LIMK2: variants seen among roughly 807,000 people sequenced by gnomAD.
The protein encoded by LIMK2 is LIM domain kinase 2.
In LIMK2, 35 loss-of-function variants were observed where a neutral mutation model predicts 75.7. The observed-to-expected ratio is 0.46, with a 90% CI of 0.35 to 0.61. The LOEUF is 0.61. Ranked by LOEUF, LIMK2 falls within the 20% of genes least tolerant of loss-of-function variation. The pLI is 0.00. For synonymous variants in LIMK2, 301 were observed against 319.2 expected, an observed-to-expected ratio of 0.94 and a Z score of 0.61; for missense variants, 623 against 831.0, an observed-to-expected ratio of 0.75 and a Z score of 3.08.
intron 2 of LIMK2, among the ~76,000 whole-genome samples, chr22:31,254,106 C>T (rs1372109076): frequency 6.6e-6 from 1 of 152,220 alleles, no homozygotes; most frequent in Non-Finnish European, 1.5e-5. Context: ...TGACGTTGCT[C>T]TCCAGCCAGG....
At chr22:31,253,222 G>T (rs888691817) in intron 2 of LIMK2, among the ~76,000 whole-genome samples, 1 of 152,236 alleles carries the variant, frequency 6.6e-6, no homozygotes, top group Admixed American at 6.5e-5. Flanking sequence ...TCAGACCTCA[G>T]CTTTACCACC....
Position 31,279,807 on chromosome 22 carries a change from T to C in LIMK2, c.*1366T>C, listed in dbSNP as rs1368540357. 1 of 152,236 alleles carries C rather than the reference T, an allele frequency of 6.6e-6. No individual in the cohort carries two copies. The highest frequency in any genetic ancestry group is 1.5e-5 in the Non-Finnish European group (1 of 68,048). The allele number at this position is 152,236 out of a possible 1,614,324, so 9.4% of individuals were successfully genotyped here. The stretch of plus-strand genomic sequence containing the variant: ...AGTGGTTGCTGTTAATATTATCTTA[T>C]CTATTGGGTGGTATGTGAAATATTG... On this transcript the variant is annotated 3_prime_UTR_variant, in exon 16 of 16. Transcript: ENST00000331728.
chr22:31,241,558 T>G (rs2048624087), intron 2 of LIMK2, among the ~76,000 whole-genome samples: 1 of 152,156 alleles, frequency 6.6e-6, no homozygotes. Flanking sequence ...TTCATTCTCC[T>G]CTGGGAAGGG....
At position 31,280,016 on chromosome 22, in the gene LIMK2, A is replaced by T. The variant is rs2049071068; in HGVS notation, c.*1575A>T. On this transcript the variant is annotated 3_prime_UTR_variant, in exon 16 of 16. Transcript: ENST00000331728. ...CCTGGCTGTCCCCAGCAAGTGTAGG[A>T]GTGGTGGGCCTGAACTGGGCCATTG... 6.6e-6 allele frequency: 1 copy of T among 152,186 alleles called. No individual in the cohort carries two copies. Among genetic ancestry groups the T allele is most frequent in the African/African-American group, 2.4e-5 (1 of 41,368 alleles). The allele number at this position is 152,186 out of a possible 1,614,324, so 9.4% of individuals were successfully genotyped here.
intron 1 of LIMK2, among the ~76,000 whole-genome samples, chr22:31,214,598 C>CTT (rs78804477): frequency 6.9e-6 from 1 of 144,178 alleles, no homozygotes; most frequent in Admixed American, 6.9e-5. Context: ...CCATCCTCTA[C>CTT]TTTTTTTTTT....
In LIMK2 at chr22:31,278,730, G is replaced by A. The variant is rs935443530; in HGVS notation, c.*289G>A. On this transcript the variant is annotated 3_prime_UTR_variant, in exon 16 of 16. Coordinates refer to ENST00000331728, the MANE Select transcript of LIMK2 (RefSeq NM_005569.4). ...TTGGGCCAGGAGGAATCTGTTACTCGAATCCACCCAGGAACTCCCTGGCAG... is the reference window on the plus strand; with the variant it reads ...TTGGGCCAGGAGGAATCTGTTACTCAAATCCACCCAGGAACTCCCTGGCAG... 1.2e-5 allele frequency: 3 copies of A among 253,710 alleles called. 1 individual carries two copies. Among genetic ancestry groups the A allele is most frequent in the Non-Finnish European group, 2.3e-5 (3 of 132,092 alleles). 15.7% of individuals were successfully genotyped at this position (253,710 alleles called of 1,614,324 possible).
intron 2 of LIMK2, among the ~76,000 whole-genome samples, chr22:31,246,779 A>T (rs2048675247): frequency 6.6e-6 from 1 of 151,386 alleles, no homozygotes; most frequent in South Asian, 2.1e-4. Flanking sequence ...AAACAAAAAA[A>T]AAAAACACCC....
Position 31,257,040 on chromosome 22 carries a change from ATTTTTTTTTTTTTTT to A in LIMK2, c.117-1231_117-1217del, listed in dbSNP as rs529919320. 1.3e-3 allele frequency among the ~76,000 whole-genome samples: 99 copies of A among 75,084 alleles called. 2 individuals carry two copies. The East Asian group carries it at 0.021, about 16-fold the overall frequency. 49.3% of individuals were successfully genotyped at this position (75,084 alleles called of 152,430 possible). On this transcript the variant is annotated intron_variant, in intron 2 of 15. Transcript: ENST00000331728. ...TCATTAGGGGAGAAGGGAGCTATAG[ATTTTTTTTTTTTTTT>A]TTTTTTTTTTTTTTTTTTTAGAGAC...
chr22:31,271,912 C>T (rs1569002623), intron 12 of LIMK2, among the ~76,000 whole-genome samples: 1 of 152,134 alleles, frequency 6.6e-6, no homozygotes, highest in Non-Finnish European at 1.5e-5. Flanking sequence ...ACCCCCTGTC[C>T]CACCTCTGAG....
chr22:31,268,283 C>T (rs2048916853), intron 11 of LIMK2, 83 bp downstream of exon 11: 1 of 1,130,858 alleles, frequency 8.8e-7, no homozygotes, highest in South Asian at 1.2e-5. Flanking sequence ...AGGTAGAGAC[C>T]CCTTCCTATG....
At chr22:31,237,000 G>A (rs1039956167) in intron 2 of LIMK2, among the ~76,000 whole-genome samples, 38 of 151,630 alleles carry the variant, frequency 2.5e-4, no homozygotes, top group Non-Finnish European at 5.0e-4. Context: ...GGTGGCTCAC[G>A]CATGTAATCC....
At position 31,267,713 on chromosome 22, in the gene LIMK2, G is replaced by C; in HGVS notation, c.1129-63G>C. ...ACTTGTCAAGCTGATTCCTTGGAGGGAAGAGGTAAGGAAGACAGTGAGAAG... is the reference window on the plus strand; with the variant it reads ...ACTTGTCAAGCTGATTCCTTGGAGGCAAGAGGTAAGGAAGACAGTGAGAAG... On this transcript the variant is annotated intron_variant, in intron 9 of 15. Transcript: ENST00000331728. 2.6e-6 allele frequency: 4 copies of C among 1,525,474 alleles called. No homozygotes were observed. The Admixed American group carries it at 8.4e-5, about 32-fold the overall frequency. 94.5% of individuals were successfully genotyped at this position (1,525,474 alleles called of 1,614,324 possible). A position where few individuals can be genotyped will look rare whatever the true frequency, so the allele number is the denominator to read the frequency against.
rs371346839 is a variant in LIMK2, at chr22:31,217,398, G to GA, written c.16+4987dup. On this transcript the variant is annotated intron_variant, in intron 1 of 15. Coordinates refer to ENST00000331728, the MANE Select transcript of LIMK2 (RefSeq NM_005569.4). ...GGTGACAGAGCGAGACTCCGTCTCA[G>GA]AAAAAAAAAAAAAGACAGGCTTTGG... 5.4e-3 allele frequency among the ~76,000 whole-genome samples: 729 copies of GA among 134,456 alleles called. 2 individuals carry two copies. The highest frequency in any genetic ancestry group is 0.015 in the African/African-American group (560 of 36,254). The allele number at this position is 134,456 out of a possible 152,430, so 88.2% of individuals were successfully genotyped here. A position where few individuals can be genotyped will look rare whatever the true frequency, so the allele number is the denominator to read the frequency against.
rs2049056537 is a variant in LIMK2 at position 31,278,662 on chromosome 22, A to G, written c.*221A>G. ...GGCCTAGTTACTGTCTGTAAATCCA[A>G]TACTTGCCTGAAAGCTGTGAAGAAG... On this transcript the variant is annotated 3_prime_UTR_variant, in exon 16 of 16. Transcript: ENST00000331728. The G allele has an allele frequency of 2.9e-5, 12 of 411,534 alleles. 1 individual carries two copies. The South Asian group carries it at 8.2e-4, about 28-fold the overall frequency. The allele number at this position is 411,534 out of a possible 1,614,324, so 25.5% of individuals were successfully genotyped here.
intron 1 of LIMK2, among the ~76,000 whole-genome samples, chr22:31,217,560 C>T (rs1314696188): frequency 2.6e-5 from 4 of 152,220 alleles, no homozygotes; most frequent in African/African-American, 9.6e-5. Flanking sequence ...TCAGTTAGCT[C>T]ATACTTGCGT....
At chr22:31,273,605 A>G in intron 14 of LIMK2, 98 bp downstream of exon 14, 5 of 901,348 alleles carry the variant, frequency 5.5e-6, no homozygotes, top group Non-Finnish European at 9.2e-6. Flanking sequence ...GACTAGCTTG[A>G]CTAAAATCAA....
chr22:31,278,446 G>T lies in LIMK2; in HGVS notation c.*5G>T. The T allele has an allele frequency of 6.2e-7, 1 of 1,600,294 alleles. No individual in the cohort carries two copies. On this transcript the variant is annotated 3_prime_UTR_variant, in exon 16 of 16. Transcript: ENST00000331728. ...ACCCGGGACTCACCTCCCTAGCCCT[G>T]GCCCAGCCCCCTGCAGGGGGGTGTT...
At chr22:31,271,089 T>C (rs1327611679) in intron 11 of LIMK2, 47 bp from the exon 12 acceptor site, 2 of 1,535,518 alleles carry the variant, frequency 1.3e-6, no homozygotes, top group Non-Finnish European at 1.8e-6. Flanking sequence ...ATTCAGGGTC[T>C]AGTTGATTTG....
chr22:31,220,606 T>C (rs1382603632), intron 1 of LIMK2, among the ~76,000 whole-genome samples: 1 of 152,048 alleles, frequency 6.6e-6, no homozygotes, highest in East Asian at 1.9e-4. Flanking sequence ...TTATGTAAAA[T>C]AGGTATAGAC....
Sources: allele counts gnomAD v4.1 joint callset (sites outside exome capture counted in the v4.1 genomes callset), GRCh38; gene constraint gnomAD v4.1.1; transcripts MANE v1.5; gene names NCBI Gene and HGNC (gene_info 2026-07-23, HGNC 2026-07-21).